Variants in IL1RAPL2 observed in about 807,000 individuals in gnomAD.
IL1RAPL2 encodes the protein X-linked interleukin-1 receptor accessory protein-like 2.
Under a neutral mutation model 44.1 loss-of-function variants are expected in IL1RAPL2, and 3 were observed. The observed-to-expected ratio is 0.07, with a 90% CI of 0.03 to 0.18. The LOEUF (loss-of-function observed/expected upper bound fraction) is 0.18, where lower values mean the gene tolerates loss of function less well. Ranked by LOEUF, IL1RAPL2 falls within the 10% of genes least tolerant of loss-of-function variation. The pLI, the probability that IL1RAPL2 is intolerant of heterozygous loss-of-function variation, is 1.00. For synonymous variants in IL1RAPL2, 181 were observed against 178.8 expected (o/e 1.01, Z -0.10); for missense variants, 391 against 496.4 (o/e 0.79, Z 2.02).
At chrX:105,679,281 T>C (rs1439359061) in intron 6 of IL1RAPL2, among the ~76,000 whole-genome samples, 2 of 111,897 alleles carry the variant, frequency 1.8e-5, no homozygotes, top group Admixed American at 9.5e-5. Context: ...GGAACATAAC[T>C]AGCTCTATGA....
intron 5 of IL1RAPL2, among the ~76,000 whole-genome samples, chrX:105,334,866 C>T (rs992102340): frequency 9.0e-6 from 1 of 110,579 alleles, no homozygotes; most frequent in Non-Finnish European, 1.9e-5. Flanking sequence ...TACCATCCTT[C>T]ACACATAAAA....
At chrX:105,224,519 A>G (rs2033996775) in intron 3 of IL1RAPL2, among the ~76,000 whole-genome samples, 1 of 111,733 alleles carries the variant, frequency 8.9e-6, no homozygotes. Context: ...GTCAGAAAAT[A>G]GATCATGGAA....
At chrX:104,889,123 AG>A (rs1297635207) in intron 2 of IL1RAPL2, among the ~76,000 whole-genome samples, 5 of 110,351 alleles carry the variant, frequency 4.5e-5, no homozygotes, top group Non-Finnish European at 9.5e-5. Context: ...TCCGCTTCTC[AG>A]GGCCCCCAAA....
At chrX:105,733,907 T>C (rs1970565695) in intron 7 of IL1RAPL2, among the ~76,000 whole-genome samples, 1 of 111,950 alleles carries the variant, frequency 8.9e-6, no homozygotes, top group East Asian at 2.8e-4. Context: ...GTTACTTTTT[T>C]GTTGAAAGCC....
chrX:105,657,312 C>G (rs1450089751), intron 6 of IL1RAPL2, among the ~76,000 whole-genome samples: 1 of 112,111 alleles, frequency 8.9e-6, no homozygotes, highest in East Asian at 2.8e-4. Context: ...GTACTTTCAG[C>G]CATTTCCATC....
chrX:105,088,601 T>G (rs189242883), intron 2 of IL1RAPL2, among the ~76,000 whole-genome samples: 1 of 111,009 alleles, frequency 9.0e-6, no homozygotes, highest in East Asian at 2.8e-4. Context: ...ATCTCTTATT[T>G]AATTGCTTTG....
chrX:105,031,179 A>T (rs1387452294), intron 2 of IL1RAPL2, among the ~76,000 whole-genome samples: 11 of 109,766 alleles, frequency 1.0e-4, no homozygotes, highest in South Asian at 3.9e-4. Flanking sequence ...TACAATCATG[A>T]CATCTGCAAA....
chrX:104,892,729 T>G (rs915257642), intron 2 of IL1RAPL2, among the ~76,000 whole-genome samples: 1 of 111,537 alleles, frequency 9.0e-6, no homozygotes, highest in African/African-American at 3.3e-5. Flanking sequence ...TTTGTTGATC[T>G]TTTCAAAAAA....
At position 104,992,525 on chromosome X, in the gene IL1RAPL2, T is replaced by G. The variant is rs186875133; in HGVS notation, c.83-202950T>G. Among the ~76,000 whole-genome samples, 3 of 111,165 alleles carry G rather than the reference T, an allele frequency of 2.7e-5. No individual in the cohort carries two copies. In the East Asian group the frequency reaches 8.6e-4, roughly 32 times the overall value. ...ATAGATTATTGCTGCATAATGTAGT[T>G]GGAGGGCTACCAAGATGCAGGGGCA... On this transcript the variant is annotated intron_variant, in intron 2 of 10. Coordinates refer to ENST00000372582, the MANE Select transcript of IL1RAPL2 (RefSeq NM_017416.2).
chrX:105,679,588 A>G (rs181572412), intron 6 of IL1RAPL2, among the ~76,000 whole-genome samples: 1 of 112,155 alleles, frequency 8.9e-6, no homozygotes, highest in Non-Finnish European at 1.9e-5. Context: ...TAGAATTTAT[A>G]TATCAGTTAC....
intron 5 of IL1RAPL2, among the ~76,000 whole-genome samples, chrX:105,350,484 G>C (rs2035144046): frequency 8.9e-6 from 1 of 112,570 alleles, no homozygotes; most frequent in African/African-American, 3.2e-5. Flanking sequence ...AGCACTTTGG[G>C]AGGTCGAGGC....
chrX:105,340,338 G>A (rs1164732681), intron 5 of IL1RAPL2, among the ~76,000 whole-genome samples: 2 of 111,109 alleles, frequency 1.8e-5, no homozygotes, highest in African/African-American at 3.3e-5. Context: ...AGAATCTGAG[G>A]ACTCCTCACC....
intron 2 of IL1RAPL2, among the ~76,000 whole-genome samples, chrX:105,086,554 A>G (rs1482587825): frequency 9.0e-6 from 1 of 111,160 alleles, no homozygotes; most frequent in East Asian, 2.8e-4. Context: ...GAGATCTATT[A>G]CACAACATGA....
chrX:104,704,952 G>A (rs1931340090), intron 2 of IL1RAPL2, among the ~76,000 whole-genome samples: 1 of 111,561 alleles, frequency 9.0e-6, no homozygotes, highest in African/African-American at 3.3e-5. Flanking sequence ...GAAACCCAGG[G>A]GGCTCCAGGC....
At chrX:105,157,107 C>CAAA (rs1294362653) in intron 2 of IL1RAPL2, among the ~76,000 whole-genome samples, 1 of 34,971 alleles carries the variant, frequency 2.9e-5, no homozygotes, top group Non-Finnish European at 6.1e-5. Flanking sequence ...TTCGAGTTAG[C>CAAA]AAAAAAAAAA....
chrX:105,471,531 C>T (rs1430942882), intron 5 of IL1RAPL2, among the ~76,000 whole-genome samples: 4 of 110,904 alleles, frequency 3.6e-5, no homozygotes, highest in African/African-American at 9.8e-5. Context: ...GGATGAGGAG[C>T]TTCTGCTGTC....
At chrX:105,236,084 T>G (rs1204001772) in intron 4 of IL1RAPL2, among the ~76,000 whole-genome samples, 3 of 112,457 alleles carry the variant, frequency 2.7e-5, no homozygotes, top group Non-Finnish European at 3.8e-5. Context: ...TTATTTTAAT[T>G]TTATGGTTGA....
chrX:105,563,631 A>C (rs985533063), intron 6 of IL1RAPL2, among the ~76,000 whole-genome samples: 13 of 112,191 alleles, frequency 1.2e-4, no homozygotes, highest in Admixed American at 1.1e-3. Flanking sequence ...TGAGGTAACA[A>C]AGTGGTTACA....
chrX:104,801,313 G>A (rs1465432358), intron 2 of IL1RAPL2, among the ~76,000 whole-genome samples: 1 of 111,662 alleles, frequency 9.0e-6, no homozygotes, highest in Non-Finnish European at 1.9e-5. Flanking sequence ...TGAATAAGGT[G>A]CTGAGTAAAT....
Sources: gnomAD v4.1 joint callset for allele counts (sites outside exome capture counted in the v4.1 genomes callset) on GRCh38, gnomAD v4.1.1 for gene constraint, MANE v1.5 for transcripts, NCBI Gene and HGNC (gene_info 2026-07-23, HGNC 2026-07-21) for gene names.